Variants in PDK1 observed in about 807,000 individuals in gnomAD.
PDK1 encodes the protein pyruvate dehydrogenase kinase 1.
PDK1 carries 39 observed loss-of-function variants against 54.2 expected under a neutral mutation model. The observed-to-expected ratio is 0.72, with a 90% CI of 0.56 to 0.94. The LOEUF (loss-of-function observed/expected upper bound fraction) is 0.94, where lower values mean the gene tolerates loss of function less well. Ranked by LOEUF, PDK1 falls within the 40% of genes least tolerant of loss-of-function variation. The pLI, the probability that PDK1 is intolerant of heterozygous loss-of-function variation, is 0.00. For synonymous variants in PDK1, 221 were observed against 207.1 expected (o/e 1.07, Z -0.58); for missense variants, 552 against 566.0 (o/e 0.98, Z 0.25).
chr2:172,689,762 C>T, the PDK1 span, among the ~76,000 whole-genome samples: 29,586 of 138,560 alleles, frequency 0.21, 4,217 homozygotes, highest in African/African-American at 0.33. Flanking sequence ...AGATTCTCTA[C>T]TTCATAAATG....
chr2:172,656,727 G>A, the PDK1 span, among the ~76,000 whole-genome samples: 1 of 152,030 alleles, frequency 6.6e-6, no homozygotes, highest in South Asian at 2.1e-4. Context: ...GCCTTATTGG[G>A]CAACATGGCA....
At position 172,598,445 on chromosome 2, in the gene PDK1, T is replaced by C. The variant is rs1430650416; in HGVS notation, c.*2476T>C. 6.6e-6 allele frequency: 1 copy of C among 152,224 alleles called. No homozygotes were observed. The highest frequency in any genetic ancestry group is 2.4e-5 in the African/African-American group (1 of 41,464). The allele number at this position is 152,224 out of a possible 1,614,324, so 9.4% of individuals were successfully genotyped here. On this transcript the variant is annotated 3_prime_UTR_variant, in exon 11 of 11. Coordinates refer to ENST00000282077, the MANE Select transcript of PDK1 (RefSeq NM_002610.5). Reference sequence around the variant, plus strand: ...TTTTTCCTAGTTGGTTTTAAATCATTGTGCCACCTGAAAGGTTTTTAGATT... The same window carrying C: ...TTTTTCCTAGTTGGTTTTAAATCATCGTGCCACCTGAAAGGTTTTTAGATT...
At chr2:172,620,721 AGTG>A in the PDK1 span, among the ~76,000 whole-genome samples, 1 of 152,130 alleles carries the variant, frequency 6.6e-6, no homozygotes, top group Admixed American at 6.5e-5. Context: ...GTCATTTAAA[AGTG>A]TGTGGCACTC....
the PDK1 span, among the ~76,000 whole-genome samples, chr2:172,684,695 A>G: frequency 6.6e-6 from 1 of 152,182 alleles, no homozygotes; most frequent in Non-Finnish European, 1.5e-5. Context: ...GGACATTATT[A>G]TCTACTCAGT....
downstream of PDK1, among the ~76,000 whole-genome samples, chr2:172,610,433 C>T (rs1691426450): frequency 6.6e-6 from 1 of 152,076 alleles, no homozygotes; most frequent in African/African-American, 2.4e-5. Context: ...GGGGCTCCTC[C>T]CTGTGCCTAG....
At chr2:172,687,399 C>T in the PDK1 span, among the ~76,000 whole-genome samples, 1 of 151,838 alleles carries the variant, frequency 6.6e-6, no homozygotes, top group Non-Finnish European at 1.5e-5. Context: ...ATCACAAATC[C>T]TTCTCTGAAT....
Position 172,566,961 on chromosome 2 carries a change from T to C in PDK1, c.769+28T>C, listed in dbSNP as rs199938385. The C allele has an allele frequency of 3.5e-5, 49 of 1,405,930 alleles. No individual in the cohort carries two copies. The African/African-American group carries it at 6.5e-4, about 19-fold the overall frequency. 87.1% of individuals were successfully genotyped at this position (1,405,930 alleles called of 1,614,324 possible). A position where few individuals can be genotyped will look rare whatever the true frequency, so the allele number is the denominator to read the frequency against. On this transcript the variant is annotated intron_variant, in intron 6 of 10. Coordinates refer to ENST00000282077, the MANE Select transcript of PDK1 (RefSeq NM_002610.5). ...AAGCCTGATGTTGTCTTTTTCTCAA[T>C]AATTAGTGCTTTGATTACTTGATAA...
At position 172,574,905 on chromosome 2, in the gene PDK1, A is replaced by G. The variant is rs79000568; in HGVS notation, c.945+4081A>G. The stretch of plus-strand genomic sequence containing the variant: ...GCTAGAACCTCTAGTACAGTGTTGA[A>G]TAGAAGTGCTGACAGGAGACATCCT... On this transcript the variant is annotated intron_variant, in intron 8 of 10. Transcript: ENST00000282077. Among the ~76,000 whole-genome samples the G allele has an allele frequency of 5.6e-3, 849 of 152,338 alleles. 6 individuals carry two copies. The highest frequency in any genetic ancestry group is 0.019 in the African/African-American group (801 of 41,576).
chr2:172,675,788 A>G, the PDK1 span, among the ~76,000 whole-genome samples: 2 of 152,340 alleles, frequency 1.3e-5, no homozygotes, highest in Admixed American at 6.5e-5. Context: ...TTCAATTTAG[A>G]AAAAACAGCC....
chr2:172,613,840 C>T, the PDK1 span, among the ~76,000 whole-genome samples: 6 of 152,264 alleles, frequency 3.9e-5, no homozygotes, highest in South Asian at 4.1e-4. Context: ...CCACCCAAAC[C>T]GCAGCTGTAG....
At chr2:172,585,006 CTTAAT>C (rs1364978527) in intron 8 of PDK1, among the ~76,000 whole-genome samples, 2 of 151,294 alleles carry the variant, frequency 1.3e-5, no homozygotes, top group South Asian at 2.1e-4. Context: ...TTTTTGTTTT[CTTAAT>C]TTAGAGACAG....
intron 2 of PDK1, among the ~76,000 whole-genome samples, chr2:172,559,169 G>C (rs564531729): frequency 6.6e-6 from 1 of 152,068 alleles, no homozygotes; most frequent in Non-Finnish European, 1.5e-5. Context: ...GGATGATCTC[G>C]GTCTCCTGAA....
chr2:172,701,653 T>G, the PDK1 span, among the ~76,000 whole-genome samples: 727 of 147,080 alleles, frequency 4.9e-3, 6 homozygotes, highest in African/African-American at 0.011. Context: ...GTTTTGTTTT[T>G]TTTTTTTTTT....
intron 8 of PDK1, among the ~76,000 whole-genome samples, chr2:172,572,511 G>A (rs1262584146): frequency 1.3e-5 from 2 of 152,080 alleles, no homozygotes; most frequent in African/African-American, 4.8e-5. Context: ...GATTGCCTGA[G>A]GTAAGGCGTT....
At chr2:172,587,631 G>A (rs1690324468) in intron 9 of PDK1, among the ~76,000 whole-genome samples, 3 of 152,212 alleles carry the variant, frequency 2.0e-5, no homozygotes, top group African/African-American at 4.8e-5. Flanking sequence ...CTACAGCCTG[G>A]AAGGGTACCA....
In PDK1 at chr2:172,556,115, G is replaced by A; in HGVS notation, c.-36G>A. ...ACTCGGCAGAGGCGCGGGGAAACCT[G>A]GCGTACTGGCTGTGGCTTCTCTAGC... is the stretch of plus-strand genomic sequence containing the variant. On this transcript the variant is annotated 5_prime_UTR_variant, in exon 1 of 11. Transcript: ENST00000282077. The A allele has an allele frequency of 1.5e-6, 2 of 1,359,360 alleles. No individual in the cohort carries two copies. Among genetic ancestry groups the A allele is most frequent in the Non-Finnish European group, 1.9e-6 (2 of 1,059,438 alleles). The allele number at this position is 1,359,360 out of a possible 1,614,324, so 84.2% of individuals were successfully genotyped here. A position where few individuals can be genotyped will look rare whatever the true frequency, so the allele number is the denominator to read the frequency against.
At chr2:172,575,602 A>C (rs12990751) in intron 8 of PDK1, among the ~76,000 whole-genome samples, 26,745 of 151,754 alleles carry the variant, frequency 0.18, 2,818 homozygotes, top group African/African-American at 0.28. Context: ...CAGGTGGATC[A>C]CCTGAGGTCA....
At chr2:172,576,266 G>C (rs1307158160) in intron 8 of PDK1, among the ~76,000 whole-genome samples, 1 of 152,012 alleles carries the variant, frequency 6.6e-6, no homozygotes, top group Admixed American at 6.6e-5. Flanking sequence ...ATTTCATTTA[G>C]GTTATCTAAT....
At chr2:172,678,477 C>G in the PDK1 span, among the ~76,000 whole-genome samples, 1 of 151,924 alleles carries the variant, frequency 6.6e-6, no homozygotes, top group Non-Finnish European at 1.5e-5. Context: ...TTTTAACAGT[C>G]TATTAGTACT....
Sources: allele counts gnomAD v4.1 joint callset (sites outside exome capture counted in the v4.1 genomes callset), GRCh38; gene constraint gnomAD v4.1.1; transcripts MANE v1.5; gene names NCBI Gene and HGNC (gene_info 2026-07-23, HGNC 2026-07-21).